UNC5D: variants seen among roughly 807,000 people sequenced by gnomAD.
UNC5D encodes netrin receptor UNC5D.
Under a neutral mutation model 105.4 loss-of-function variants are expected in UNC5D, and 39 were observed. That is an observed-to-expected ratio of 0.37 (90% CI 0.29 to 0.48). UNC5D has a LOEUF of 0.48. Ranked by LOEUF, UNC5D falls within the 20% of genes least tolerant of loss-of-function variation. The probability of loss-of-function intolerance (pLI) is 0.98; values close to 1 mark genes in which losing one functional copy is unlikely to be tolerated. For missense variants in UNC5D, 991 were observed against 1,202.4 expected, an observed-to-expected ratio of 0.82 and a Z score of 2.60; for synonymous variants, 452 against 450.4, an observed-to-expected ratio of 1.00 and a Z score of -0.04.
At chr8:35,297,389 A>AAG (rs1563290365) in intron 1 of UNC5D, among the ~76,000 whole-genome samples, 1 of 152,166 alleles carries the variant, frequency 6.6e-6, no homozygotes, top group African/African-American at 2.4e-5. Context: ...TAGAAGGGTG[A>AAG]AGAGGCCTCT....
At chr8:35,687,314 C>T (rs902485235) in intron 7 of UNC5D, among the ~76,000 whole-genome samples, 8 of 151,788 alleles carry the variant, frequency 5.3e-5, no homozygotes, top group African/African-American at 1.2e-4. Context: ...TGGTGGTGGG[C>T]GCCTGTAGTC....
intron 1 of UNC5D, among the ~76,000 whole-genome samples, chr8:35,240,517 T>C (rs973911520): frequency 6.6e-6 from 1 of 152,170 alleles, no homozygotes; most frequent in African/African-American, 2.4e-5. Context: ...CATTAACTGA[T>C]GTAATCCTGA....
chr8:35,452,868 A>G (rs1808252265), intron 1 of UNC5D, among the ~76,000 whole-genome samples: 1 of 152,188 alleles, frequency 6.6e-6, no homozygotes, highest in Admixed American at 6.5e-5. Context: ...CTTCAGATAG[A>G]GGCATTAGTA....
At chr8:35,372,132 C>A (rs1465852569) in intron 1 of UNC5D, among the ~76,000 whole-genome samples, 2 of 152,004 alleles carry the variant, frequency 1.3e-5, no homozygotes, top group African/African-American at 2.4e-5. Flanking sequence ...GTTTAGTTTT[C>A]ATTTTTTTTG....
Position 35,791,930 on chromosome 8 carries a change from T to C in UNC5D, c.*1367T>C, listed in dbSNP as rs1036260989. On this transcript the variant is annotated 3_prime_UTR_variant, in exon 17 of 17. Transcript: ENST00000404895. ...CACTTTACTCCATCTTTTTATCCTA[T>C]TAAATTATTTTTGACAAGATGTCCT... 3 of 152,176 alleles carry C rather than the reference T, an allele frequency of 2.0e-5. No individual in the cohort carries two copies. Among genetic ancestry groups the C allele is most frequent in the African/African-American group, 4.8e-5 (2 of 41,440 alleles). 9.4% of individuals were successfully genotyped at this position (152,176 alleles called of 1,614,324 possible).
At chr8:35,605,076 G>A (rs571627424) in intron 4 of UNC5D, among the ~76,000 whole-genome samples, 75 of 152,248 alleles carry the variant, frequency 4.9e-4, no homozygotes, top group Admixed American at 1.2e-3. Flanking sequence ...GCTTTGTTCC[G>A]TTGCTGGTGA....
At chr8:35,278,694 C>A (rs1206622001) in intron 1 of UNC5D, among the ~76,000 whole-genome samples, 10 of 151,972 alleles carry the variant, frequency 6.6e-5, no homozygotes, top group Admixed American at 3.3e-4. Context: ...TTAACATATT[C>A]ATCTCCTCAC....
intron 1 of UNC5D, among the ~76,000 whole-genome samples, chr8:35,380,479 T>C (rs919180694): frequency 1.3e-5 from 2 of 152,154 alleles, no homozygotes; most frequent in South Asian, 4.1e-4. Flanking sequence ...CTTTTCCTCA[T>C]GTTTGAAAGA....
chr8:35,624,252 C>A (rs1473577774), intron 4 of UNC5D, among the ~76,000 whole-genome samples: 1 of 152,260 alleles, frequency 6.6e-6, no homozygotes, highest in East Asian at 1.9e-4. Flanking sequence ...TGCTGTATGG[C>A]GTATATAGTG....
In UNC5D at chr8:35,568,328, C is replaced by T. The variant is rs1247454200; in HGVS notation, c.466+87C>T. The T allele has an allele frequency of 5.4e-6, 8 of 1,485,552 alleles. No individual in the cohort carries two copies. The East Asian group carries it at 6.9e-5, about 13-fold the overall frequency. The allele number at this position is 1,485,552 out of a possible 1,614,324, so 92.0% of individuals were successfully genotyped here. A position where few individuals can be genotyped will look rare whatever the true frequency, so the allele number is the denominator to read the frequency against. ...AGAGAGGTTTTACAGATGTCAGATG[C>T]TTCTACAGAATGTAAATGAGAGGTC... On this transcript the variant is annotated intron_variant, in intron 3 of 16. Coordinates refer to ENST00000404895, the MANE Select transcript of UNC5D (RefSeq NM_080872.4).
At chr8:35,767,716 A>T (rs114843813) in intron 15 of UNC5D, among the ~76,000 whole-genome samples, 88 of 152,354 alleles carry the variant, frequency 5.8e-4, no homozygotes, top group African/African-American at 2.0e-3. Flanking sequence ...TCCAGGTCAA[A>T]TCAGTATTGG....
intron 1 of UNC5D, among the ~76,000 whole-genome samples, chr8:35,397,210 C>A (rs1226565268): frequency 6.6e-6 from 1 of 152,122 alleles, no homozygotes; most frequent in East Asian, 1.9e-4. Context: ...CCAGCCCAAG[C>A]CCAAGGTTTT....
At chr8:35,655,385 G>A (rs1823663743) in intron 4 of UNC5D, among the ~76,000 whole-genome samples, 4 of 152,170 alleles carry the variant, frequency 2.6e-5, no homozygotes, top group Admixed American at 2.6e-4. Flanking sequence ...TTGCTTTAGG[G>A]TATTTAATTG....
chr8:35,471,593 A>G (rs1809729016), intron 1 of UNC5D, among the ~76,000 whole-genome samples: 1 of 152,254 alleles, frequency 6.6e-6, no homozygotes, highest in Admixed American at 6.5e-5. Flanking sequence ...AAATTTTGCT[A>G]TAGTGGATTC....
intron 4 of UNC5D, among the ~76,000 whole-genome samples, chr8:35,616,777 A>T (rs1056137242): frequency 3.8e-4 from 58 of 152,238 alleles, no homozygotes; most frequent in Non-Finnish European, 8.8e-5. Flanking sequence ...TGACAGAAGC[A>T]GCAAATGGAT....
Position 35,685,139 on chromosome 8 carries a change from C to T in UNC5D, c.919+390C>T, listed in dbSNP as rs559318893. On this transcript the variant is annotated intron_variant, in intron 6 of 16. Coordinates refer to ENST00000404895, the MANE Select transcript of UNC5D (RefSeq NM_080872.4). ...TAAGTTGTCTTAAAGCACAAAAGAA[C>T]GGGTACCAAATGTTTGACTCTTTAT... is the stretch of plus-strand genomic sequence containing the variant. Among the ~76,000 whole-genome samples, 15 of 152,250 alleles carry T rather than the reference C, an allele frequency of 9.9e-5. No homozygotes were observed. The South Asian group carries it at 1.0e-3, about 11-fold the overall frequency.
At chr8:35,728,071 TAAA>T (rs71215643) in intron 10 of UNC5D, among the ~76,000 whole-genome samples, 36 of 41,010 alleles carry the variant, frequency 8.8e-4, no homozygotes, top group African/African-American at 2.9e-3. Flanking sequence ...TTGCTGTCTC[TAAA>T]AAAAAAAAAA....
At chr8:35,569,335 ATTG>A (rs2130790302) in intron 3 of UNC5D, among the ~76,000 whole-genome samples, 1 of 152,284 alleles carries the variant, frequency 6.6e-6, no homozygotes, top group South Asian at 2.1e-4. Flanking sequence ...AGAGATGGTT[ATTG>A]TTGTTTTATT....
intron 1 of UNC5D, among the ~76,000 whole-genome samples, chr8:35,250,645 C>A (rs1399927289): frequency 6.6e-6 from 1 of 152,136 alleles, no homozygotes; most frequent in Non-Finnish European, 1.5e-5. Context: ...CAGGTGCATG[C>A]CACCATGTCT....
Sources: gnomAD v4.1 joint callset for allele counts (sites outside exome capture counted in the v4.1 genomes callset) on GRCh38, gnomAD v4.1.1 for gene constraint, MANE v1.5 for transcripts, NCBI Gene and HGNC (gene_info 2026-07-23, HGNC 2026-07-21) for gene names.